TLE1: variants seen among roughly 807,000 people sequenced by gnomAD.
TLE1 encodes the protein transducin-like enhancer protein 1.
A neutral mutation model predicts 89.8 loss-of-function variants in TLE1; 21 were observed. The observed-to-expected ratio is 0.23, with a 90% CI of 0.17 to 0.34. The LOEUF (loss-of-function observed/expected upper bound fraction) is 0.34, where lower values mean the gene tolerates loss of function less well. Among genes scored for constraint, TLE1 ranks in the 10% least tolerant of loss-of-function variants. TLE1 has a pLI of 1.00. For missense variants in TLE1, 795 were observed against 1,031.2 expected (o/e 0.77, Z 3.14); for synonymous variants, 447 against 407.6 (o/e 1.10, Z -1.16).
chr9:81,624,784 AT>A (rs1825708338), intron 8 of TLE1, among the ~76,000 whole-genome samples: 1 of 152,216 alleles, frequency 6.6e-6, no homozygotes. Context: ...AATTAAAAAA[AT>A]AAACAAATAA....
rs1362348919 is a variant in TLE1, at chr9:81,594,001, A to C, written c.1332-727T>G. On this transcript the variant is annotated intron_variant, in intron 14 of 19. Transcript: ENST00000376499. ...GTTCTGACCAATGAGGTGTAAGAAGAAGCTGTTGGATGGCATTTTGAGGAA... is the reference window on the plus strand; with the variant it reads ...GTTCTGACCAATGAGGTGTAAGAAGCAGCTGTTGGATGGCATTTTGAGGAA... Among the ~76,000 whole-genome samples the C allele has an allele frequency of 3.3e-5, 5 of 152,140 alleles. No homozygotes were observed. In the South Asian group the frequency reaches 8.3e-4, roughly 25 times the overall value.
At chr9:81,663,208 G>T (rs755830016) in intron 4 of TLE1, among the ~76,000 whole-genome samples, 1 of 152,094 alleles carries the variant, frequency 6.6e-6, no homozygotes, top group Non-Finnish European at 1.5e-5. Context: ...GGCTCACCAC[G>T]TTTGCGATCA....
intron 4 of TLE1, among the ~76,000 whole-genome samples, chr9:81,671,270 T>G (rs900877565): frequency 6.6e-6 from 1 of 152,098 alleles, no homozygotes; most frequent in African/African-American, 2.4e-5. Flanking sequence ...TCCCAGCACT[T>G]TGGAAGGCTG....
chr9:81,650,569 T>A (rs1829414581), intron 6 of TLE1, among the ~76,000 whole-genome samples: 1 of 152,204 alleles, frequency 6.6e-6, no homozygotes, highest in African/African-American at 2.4e-5. Flanking sequence ...CCAGTGAATA[T>A]TTGATTTGAT....
At chr9:81,604,971 A>G (rs963129042) in intron 14 of TLE1, among the ~76,000 whole-genome samples, 7 of 152,024 alleles carry the variant, frequency 4.6e-5, no homozygotes, top group Non-Finnish European at 1.0e-4. Flanking sequence ...TCAAACCAGG[A>G]TATTTACTTT....
Position 81,583,723 on chromosome 9 carries a change from T to C in TLE1, c.*475A>G, listed in dbSNP as rs1292722074. 1 of 157,540 alleles carries C rather than the reference T, an allele frequency of 6.3e-6. No homozygotes were observed. Among genetic ancestry groups the C allele is most frequent in the Non-Finnish European group, 1.4e-5 (1 of 70,682 alleles). The allele number at this position is 157,540 out of a possible 1,614,324, so 9.8% of individuals were successfully genotyped here. On this transcript the variant is annotated 3_prime_UTR_variant, in exon 20 of 20. Coordinates refer to ENST00000376499, the MANE Select transcript of TLE1 (RefSeq NM_005077.5). ...CCTTTACTGTAATAAACCAAATATA[T>C]TTACAATTTATACAAATGTTTAACC...
intron 15 of TLE1, among the ~76,000 whole-genome samples, chr9:81,592,300 G>A (rs1366149851): frequency 6.6e-6 from 1 of 152,262 alleles, no homozygotes; most frequent in Non-Finnish European, 1.5e-5. Flanking sequence ...GGAGCCTGCA[G>A]TGAGCCGAGA....
intron 4 of TLE1, among the ~76,000 whole-genome samples, chr9:81,666,714 G>A (rs73470160): frequency 0.047 from 7,122 of 151,924 alleles, 501 homozygotes; most frequent in African/African-American, 0.15. Flanking sequence ...AGCGGAGGTT[G>A]CAATGAGCCA....
At chr9:81,626,814 G>C (rs1269490491) in intron 8 of TLE1, among the ~76,000 whole-genome samples, 1 of 152,168 alleles carries the variant, frequency 6.6e-6, no homozygotes, top group African/African-American at 2.4e-5. Flanking sequence ...CCTCTCATTT[G>C]TAGCTGGCCC....
chr9:81,656,652 G>A (rs1166939081), intron 4 of TLE1, among the ~76,000 whole-genome samples: 2 of 152,150 alleles, frequency 1.3e-5, no homozygotes, highest in Non-Finnish European at 2.9e-5. Context: ...AGGGGTTTCC[G>A]TTACATACCC....
At chr9:81,647,670 G>C (rs938007926) in intron 6 of TLE1, among the ~76,000 whole-genome samples, 18 of 152,284 alleles carry the variant, frequency 1.2e-4, no homozygotes, top group Admixed American at 6.5e-5. Context: ...ACATGTTCAG[G>C]GAAGGGTGGG....
chr9:81,587,571 C>T, intron 17 of TLE1, 110 bp downstream of exon 17: 2 of 1,373,570 alleles, frequency 1.5e-6, no homozygotes, highest in Non-Finnish European at 1.9e-6. Flanking sequence ...CAGCCCTGAT[C>T]TGTTTGTCCA....
At position 81,593,358 on chromosome 9, in the gene TLE1, G is replaced by GA; in HGVS notation, c.1332-85dup. 7.7e-6 allele frequency: 11 copies of GA among 1,424,958 alleles called. No homozygotes were observed. In the South Asian group the frequency reaches 1.7e-4, roughly 21 times the overall value. The allele number at this position is 1,424,958 out of a possible 1,614,324, so 88.3% of individuals were successfully genotyped here. A position where few individuals can be genotyped will look rare whatever the true frequency, so the allele number is the denominator to read the frequency against. On this transcript the variant is annotated intron_variant, in intron 14 of 19. Transcript: ENST00000376499. ...TATCTCGGCAATGTGCTACGACTAT[G>GA]AAAAAGATGAAAAAAAGGAAAGATT...
intron 14 of TLE1, among the ~76,000 whole-genome samples, chr9:81,596,817 C>G (rs981736883): frequency 6.6e-6 from 1 of 152,200 alleles, no homozygotes; most frequent in Non-Finnish European, 1.5e-5. Context: ...TGATCCTGCT[C>G]TGTTCCTTGA....
intron 14 of TLE1, among the ~76,000 whole-genome samples, chr9:81,594,782 A>G (rs968592681): frequency 5.9e-5 from 9 of 152,210 alleles, no homozygotes; most frequent in Non-Finnish European, 1.2e-4. Context: ...TCATTTTAAT[A>G]CAAACTCAAA....
At chr9:81,601,937 A>C (rs551397809) in intron 14 of TLE1, among the ~76,000 whole-genome samples, 1 of 152,294 alleles carries the variant, frequency 6.6e-6, no homozygotes, top group South Asian at 2.1e-4. Context: ...AGACTTCGGG[A>C]ACTTCCATCC....
At chr9:81,638,469 A>AT (rs890901135) in intron 6 of TLE1, among the ~76,000 whole-genome samples, 4 of 152,268 alleles carry the variant, frequency 2.6e-5, no homozygotes, top group African/African-American at 9.6e-5. Flanking sequence ...TTGGAAGCCC[A>AT]TTTTTTCTCA....
intron 4 of TLE1, among the ~76,000 whole-genome samples, chr9:81,655,561 GA>G (rs1239223843): frequency 6.6e-6 from 1 of 151,936 alleles, no homozygotes; most frequent in Non-Finnish European, 1.5e-5. Context: ...TACCTAGGAA[GA>G]ACCAGTTCTG....
chr9:81,674,659 T>C (rs116767128), intron 4 of TLE1, among the ~76,000 whole-genome samples: 1,526 of 152,298 alleles, frequency 0.01, 25 homozygotes, highest in African/African-American at 0.034. Flanking sequence ...TCAAGTTTCA[T>C]TGAGGGGTCA....
Sources: gnomAD v4.1 joint callset for allele counts (sites outside exome capture counted in the v4.1 genomes callset) on GRCh38, gnomAD v4.1.1 for gene constraint, MANE v1.5 for transcripts, NCBI Gene and HGNC (gene_info 2026-07-23, HGNC 2026-07-21) for gene names.